Variants in SCHIP1 observed in about 807,000 individuals in gnomAD.
The protein encoded by SCHIP1 is schwannomin interacting protein 1.
In SCHIP1, 8 loss-of-function variants were observed where a neutral mutation model predicts 29.7. The ratio of observed to expected loss-of-function variants is 0.27; its 90% CI spans 0.16 to 0.49. The LOEUF is 0.49. Among genes scored for constraint, SCHIP1 ranks in the 20% least tolerant of loss-of-function variants. SCHIP1 has a pLI of 0.99. For synonymous variants in SCHIP1, 76 were observed against 94.9 expected, an observed-to-expected ratio of 0.80 and a Z score of 1.16; for missense variants, 193 against 294.6, an observed-to-expected ratio of 0.66 and a Z score of 2.52.
At chr3:159,430,976 G>C in the SCHIP1 span, among the ~76,000 whole-genome samples, 2 of 152,190 alleles carry the variant, frequency 1.3e-5, no homozygotes, top group Admixed American at 1.3e-4. Flanking sequence ...ATAAGCTGGA[G>C]TTGAAGCCAA....
At chr3:159,460,807 G>A in the SCHIP1 span, among the ~76,000 whole-genome samples, 2 of 152,116 alleles carry the variant, frequency 1.3e-5, no homozygotes, top group South Asian at 2.1e-4. Context: ...AAATTGGCTG[G>A]AGATAAAATA....
At chr3:159,594,408 A>C in the SCHIP1 span, among the ~76,000 whole-genome samples, 1 of 152,158 alleles carries the variant, frequency 6.6e-6, no homozygotes, top group Non-Finnish European at 1.5e-5. Context: ...AAGATAAAGT[A>C]AAGTCAATTG....
At chr3:159,838,236 T>C (rs998502388), upstream of SCHIP1, among the ~76,000 whole-genome samples, 6 of 152,196 alleles carry the variant, frequency 3.9e-5, no homozygotes, top group Non-Finnish European at 8.8e-5. Flanking sequence ...ATTAAGAATA[T>C]TTATAAAAAT....
chr3:159,564,857 A>G, the SCHIP1 span, among the ~76,000 whole-genome samples: 12 of 152,064 alleles, frequency 7.9e-5, no homozygotes, highest in African/African-American at 2.9e-4. Flanking sequence ...GTTCATTTGA[A>G]TTTTGATGGA....
chr3:159,736,714 C>T, the SCHIP1 span, among the ~76,000 whole-genome samples: 3 of 152,076 alleles, frequency 2.0e-5, no homozygotes, highest in African/African-American at 4.8e-5. Flanking sequence ...CCACACCTAC[C>T]CTTGTAATAC....
At chr3:159,669,754 A>G in the SCHIP1 span, among the ~76,000 whole-genome samples, 1 of 152,220 alleles carries the variant, frequency 6.6e-6, no homozygotes, top group Non-Finnish European at 1.5e-5. Context: ...CTGAACACGA[A>G]ACCTAGGTTA....
At chr3:159,457,891 T>C in the SCHIP1 span, among the ~76,000 whole-genome samples, 1 of 152,186 alleles carries the variant, frequency 6.6e-6, no homozygotes, top group African/African-American at 2.4e-5. Flanking sequence ...TACCCTTCTC[T>C]ACTCATGCAG....
the SCHIP1 span, among the ~76,000 whole-genome samples, chr3:159,587,385 A>T: frequency 7.4e-5 from 10 of 134,250 alleles, no homozygotes; most frequent in Middle Eastern, 3.4e-3. Context: ...CAATTGCTTT[A>T]AAAAAAAAAA....
chr3:159,847,982 G>T (rs1712067117), intron 1 of SCHIP1, among the ~76,000 whole-genome samples: 1 of 151,412 alleles, frequency 6.6e-6, no homozygotes, highest in Admixed American at 6.6e-5. Flanking sequence ...GGAGATGAAG[G>T]GTTAATCAGG....
At chr3:159,692,354 G>A in the SCHIP1 span, among the ~76,000 whole-genome samples, 1 of 151,756 alleles carries the variant, frequency 6.6e-6, no homozygotes, top group African/African-American at 2.4e-5. Context: ...TCACTTTCAG[G>A]TACACCAATT....
the SCHIP1 span, among the ~76,000 whole-genome samples, chr3:159,449,226 T>C: frequency 6.6e-6 from 1 of 152,156 alleles, no homozygotes; most frequent in African/African-American, 2.4e-5. Context: ...TGTACCTCTC[T>C]TGACTCCATT....
the SCHIP1 span, among the ~76,000 whole-genome samples, chr3:159,807,901 G>A: frequency 1.3e-5 from 2 of 152,150 alleles, no homozygotes; most frequent in Admixed American, 6.5e-5. Context: ...AGGAAATTGA[G>A]GCCTAGCTAA....
the SCHIP1 span, among the ~76,000 whole-genome samples, chr3:159,618,499 G>A: frequency 6.6e-6 from 1 of 152,140 alleles, no homozygotes; most frequent in East Asian, 1.9e-4. Context: ...GGGTGATTAA[G>A]CTCCTTGGAA....
the SCHIP1 span, among the ~76,000 whole-genome samples, chr3:159,548,080 T>C: frequency 6.6e-6 from 1 of 152,140 alleles, no homozygotes; most frequent in Non-Finnish European, 1.5e-5. Context: ...AATTTTCTAA[T>C]ATTTTGTTTG....
chr3:159,533,761 G>A, the SCHIP1 span, among the ~76,000 whole-genome samples: 10 of 152,266 alleles, frequency 6.6e-5, no homozygotes, highest in South Asian at 2.1e-4. Context: ...TTCTAATCAC[G>A]TGGTTTTCAG....
chr3:159,428,353 A>C, the SCHIP1 span, among the ~76,000 whole-genome samples: 2 of 151,012 alleles, frequency 1.3e-5, no homozygotes, highest in African/African-American at 2.4e-5. Context: ...TTACAAGAAA[A>C]AAACAAACAA....
At chr3:159,844,713 G>A (rs532271706) in intron 1 of SCHIP1, among the ~76,000 whole-genome samples, 103 of 152,316 alleles carry the variant, frequency 6.8e-4, no homozygotes, top group Middle Eastern at 3.4e-3. Flanking sequence ...GGTCCATTTT[G>A]CTTAAAAGCT....
At chr3:159,764,342 G>C in the SCHIP1 span, 1 of 1,393,098 alleles carries the variant, frequency 7.2e-7, no homozygotes, top group South Asian at 1.6e-5. This position sits in a 1 kb window ranked among gnomAD's most constrained non-coding sequence, Gnocchi z 6.1. Flanking sequence ...CTGACCCAGC[G>C]GGCGCAGGGT....
At chr3:159,457,077 G>T in the SCHIP1 span, among the ~76,000 whole-genome samples, 2 of 152,026 alleles carry the variant, frequency 1.3e-5, no homozygotes, top group Non-Finnish European at 2.9e-5. Context: ...GCTTGCATAT[G>T]CCATTTGTCT....
Sources: gnomAD v4.1 joint callset for allele counts (sites outside exome capture counted in the v4.1 genomes callset) on GRCh38, gnomAD v4.1.1 for gene constraint, Gnocchi (gnomAD v3.1) non-coding constraint, MANE v1.5 for transcripts, NCBI Gene and HGNC (gene_info 2026-07-23, HGNC 2026-07-21) for gene names.